The following PRKAG2 variants were observed in gnomAD, a reference collection of about 807,000 sequenced individuals.
PRKAG2 encodes 5'-AMP-activated protein kinase subunit gamma-2.
Under a neutral mutation model 69.6 loss-of-function variants are expected in PRKAG2, and 26 were observed. The ratio of observed to expected loss-of-function variants is 0.37; its 90% CI spans 0.27 to 0.52. The LOEUF (loss-of-function observed/expected upper bound fraction) is 0.52, where lower values mean the gene tolerates loss of function less well. Ranked by LOEUF, PRKAG2 falls within the 20% of genes least tolerant of loss-of-function variation. The pLI is 0.90. For missense variants in PRKAG2, 557 were observed against 740.0 expected, an observed-to-expected ratio of 0.75 and a Z score of 2.87; for synonymous variants, 293 against 285.0, an observed-to-expected ratio of 1.03 and a Z score of -0.28.
At chr7:151,725,114 T>C (rs1797721719) in intron 3 of PRKAG2, among the ~76,000 whole-genome samples, 1 of 151,962 alleles carries the variant, frequency 6.6e-6, no homozygotes, top group Non-Finnish European at 1.5e-5. Flanking sequence ...CGTGTGATGA[T>C]ACAAAGAGCA....
In PRKAG2 at chr7:151,821,623, AATTGCCCT is replaced by A. The variant is rs926838782; in HGVS notation, c.115-35090_115-35083del. Reference sequence around the variant, plus strand: ...TGCACAAAACCATTTTTTTTCTACAAATTGCCCTCTATAACAATGCCCCTAAGCAAGTC... The same window carrying A: ...TGCACAAAACCATTTTTTTTCTACAACTATAACAATGCCCCTAAGCAAGTC... On this transcript the variant is annotated intron_variant, in intron 1 of 15. Coordinates refer to ENST00000287878, the MANE Select transcript of PRKAG2 (RefSeq NM_016203.4). 4.9e-4 allele frequency among the ~76,000 whole-genome samples: 74 copies of A among 152,194 alleles called. 1 individual carries two copies. Among genetic ancestry groups the A allele is most frequent in the African/African-American group, 1.7e-3 (72 of 41,540 alleles).
chr7:151,782,231 C>G (rs553322327), intron 2 of PRKAG2, among the ~76,000 whole-genome samples: 1 of 151,386 alleles, frequency 6.6e-6, no homozygotes, highest in Non-Finnish European at 1.5e-5. Context: ...TGCAGTGAGC[C>G]GAGATGGCGC....
At chr7:151,754,125 G>T (rs1259856238) in intron 3 of PRKAG2, among the ~76,000 whole-genome samples, 2 of 152,256 alleles carry the variant, frequency 1.3e-5, no homozygotes, top group Admixed American at 6.5e-5. Flanking sequence ...AGCAGGCCCT[G>T]AGAGAACTAG....
chr7:151,608,772 A>G (rs929155858), intron 5 of PRKAG2, among the ~76,000 whole-genome samples: 6 of 152,362 alleles, frequency 3.9e-5, no homozygotes, highest in Admixed American at 2.6e-4. Flanking sequence ...ATACCTTTAT[A>G]AGATTAAAGG....
intron 5 of PRKAG2, among the ~76,000 whole-genome samples, chr7:151,608,444 G>C (rs181887668): frequency 5.5e-4 from 84 of 152,290 alleles, no homozygotes; most frequent in African/African-American, 2.0e-3. Context: ...ACCTTGTACT[G>C]AAGTTACAGG....
At chr7:151,661,606 A>G (rs1186288310) in intron 4 of PRKAG2, among the ~76,000 whole-genome samples, 3 of 152,354 alleles carry the variant, frequency 2.0e-5, no homozygotes, top group African/African-American at 4.8e-5. Context: ...TAATCACGCT[A>G]CGATGAGCAG....
At chr7:151,602,681 T>C (rs148654977) in intron 5 of PRKAG2, among the ~76,000 whole-genome samples, 130 of 152,332 alleles carry the variant, frequency 8.5e-4, no homozygotes, top group Non-Finnish European at 1.7e-3. Flanking sequence ...TGATATGGTT[T>C]GGCTTCGTGT....
intron 4 of PRKAG2, among the ~76,000 whole-genome samples, chr7:151,636,309 G>A (rs1825732278): frequency 6.6e-6 from 1 of 152,090 alleles, no homozygotes; most frequent in Admixed American, 6.5e-5. Flanking sequence ...TAGCAGTCAC[G>A]TCCCATTACC....
In PRKAG2 at chr7:151,567,995, C is replaced by A. The variant is rs575528833; in HGVS notation, c.1233+721G>T. On this transcript the variant is annotated intron_variant, in intron 11 of 15. Coordinates refer to ENST00000287878, the MANE Select transcript of PRKAG2 (RefSeq NM_016203.4). The surrounding 1 kb of genome is among the most constrained non-coding windows in gnomAD (Gnocchi z 4.2). ...AACTCTTCAAAGTACCTCTTCAGAA[C>A]GATTAAGACCTTCTACTGGTTCTAT... is the stretch of plus-strand genomic sequence containing the variant. Among the ~76,000 whole-genome samples the A allele has an allele frequency of 1.2e-4, 18 of 152,306 alleles. No individual in the cohort carries two copies. Among genetic ancestry groups the A allele is most frequent in the African/African-American group, 4.3e-4 (18 of 41,572 alleles).
intron 8 of PRKAG2, among the ~76,000 whole-genome samples, chr7:151,573,297 C>T (rs1584983903): frequency 6.9e-6 from 1 of 145,702 alleles, no homozygotes; most frequent in Admixed American, 6.9e-5. Flanking sequence ...ACTTGGACTA[C>T]AGATGTACAC....
chr7:151,597,951 C>A (rs1468748866), intron 5 of PRKAG2, among the ~76,000 whole-genome samples: 1 of 152,042 alleles, frequency 6.6e-6, no homozygotes, highest in Non-Finnish European at 1.5e-5. Context: ...AGCAATCCCA[C>A]TACCGGGTAT....
chr7:151,610,055 A>T (rs1249110411), intron 5 of PRKAG2, among the ~76,000 whole-genome samples: 1 of 152,196 alleles, frequency 6.6e-6, no homozygotes, highest in Non-Finnish European at 1.5e-5. Context: ...CAACATACAC[A>T]GGGACTGCTG....
intron 5 of PRKAG2, among the ~76,000 whole-genome samples, chr7:151,628,409 C>G (rs531834414): frequency 6.6e-6 from 1 of 152,286 alleles, no homozygotes; most frequent in South Asian, 2.1e-4. Context: ...ATGTAAAAAG[C>G]AAACACAGAA....
intron 1 of PRKAG2, among the ~76,000 whole-genome samples, chr7:151,874,796 G>T (rs551645016): frequency 6.6e-6 from 1 of 152,324 alleles, no homozygotes; most frequent in South Asian, 2.1e-4. Context: ...GCTGAGGTGG[G>T]AGGATCACTT....
rs74964788 is a variant in PRKAG2 at position 151,558,883 on chromosome 7, T to C, written c.1678+1641A>G. 6.1e-4 allele frequency: 599 copies of C among 985,424 alleles called. 9 individuals are homozygous for C. The African/African-American group carries it at 9.4e-3, about 15-fold the overall frequency. 61.0% of individuals were successfully genotyped at this position (985,424 alleles called of 1,614,324 possible). On this transcript the variant is annotated intron_variant, in intron 15 of 15. Transcript: ENST00000287878. ...CATCCAGCACAACCGTTCATTCTTA[T>C]GGTTTGAGATATCAAGAAACAGAGA... is the stretch of plus-strand genomic sequence containing the variant.
chr7:151,806,473 G>A (rs2078108213), intron 1 of PRKAG2: 1 of 155,724 alleles, frequency 6.4e-6, no homozygotes. Flanking sequence ...ATAGGCAAAC[G>A]AGAACAGCAA....
intron 3 of PRKAG2, among the ~76,000 whole-genome samples, chr7:151,704,746 C>T (rs575079077): frequency 4.6e-5 from 7 of 152,298 alleles, no homozygotes; most frequent in Middle Eastern, 6.8e-3. Context: ...GCAATCCACG[C>T]GGCACCTACC....
intron 1 of PRKAG2, among the ~76,000 whole-genome samples, chr7:151,827,897 T>C (rs1226937329): frequency 2.6e-5 from 4 of 152,084 alleles, no homozygotes; most frequent in African/African-American, 9.7e-5. Flanking sequence ...ATTGTAATAG[T>C]GGATGTGGGC....
At chr7:151,858,705 C>T (rs1283947211) in intron 1 of PRKAG2, among the ~76,000 whole-genome samples, 7 of 152,324 alleles carry the variant, frequency 4.6e-5, no homozygotes, top group East Asian at 3.9e-4. Context: ...GGCCGTTTCT[C>T]GGCTTCCTGT....
Sources: allele counts gnomAD v4.1 joint callset (sites outside exome capture counted in the v4.1 genomes callset), GRCh38; gene constraint gnomAD v4.1.1; non-coding constraint Gnocchi (gnomAD v3.1); transcripts MANE v1.5; gene names NCBI Gene and HGNC (gene_info 2026-07-23, HGNC 2026-07-21).